The following AP3D1 variants were observed in gnomAD, a reference collection of about 807,000 sequenced individuals.
The protein encoded by AP3D1 is adaptor related protein complex 3 subunit delta 1, also known as AP-3 complex subunit delta-1.
In AP3D1, 51 loss-of-function variants were observed where a neutral mutation model predicts 147.6. The ratio of observed to expected loss-of-function variants is 0.35; its 90% confidence interval spans 0.28 to 0.44. The LOEUF is 0.44. Ranked by LOEUF, AP3D1 falls within the 20% of genes least tolerant of loss-of-function variation. The probability of loss-of-function intolerance (pLI) is 1.00; values close to 1 mark genes in which losing one functional copy is unlikely to be tolerated. For synonymous variants in AP3D1, 760 were observed against 663.0 expected (o/e 1.15, Z -2.25); for missense variants, 1,421 against 1,624.2 (o/e 0.87, Z 2.15).
upstream of AP3D1, among the ~76,000 whole-genome samples, chr19:2,153,385 G>T (rs1036811417): frequency 1.4e-4 from 13 of 95,140 alleles, no homozygotes; most frequent in Middle Eastern, 5.4e-3. Context: ...AAAAAGAAGT[G>T]GGGGGGGGGA....
chr19:2,127,321 A>G, intron 8 of AP3D1, 120 bp from the exon 9 acceptor site: 1 of 1,080,394 alleles, frequency 9.3e-7, no homozygotes. Flanking sequence ...AGTGTGCCCC[A>G]GGAGGGAGCC....
At chr19:2,142,420 G>A (rs2144536822) in intron 1 of AP3D1, among the ~76,000 whole-genome samples, 1 of 152,250 alleles carries the variant, frequency 6.6e-6, no homozygotes, top group East Asian at 1.9e-4. Context: ...ACAGTGCTGG[G>A]ATTAAAGGTG....
At position 2,123,865 on chromosome 19, in the gene AP3D1, A is replaced by T. The variant is rs759227563; in HGVS notation, c.871T>A (p.Ser291Thr). Residue 291 changes from serine (S) to threonine (T), a missense_variant, in exon 10 of 32, where the codon TCC (serine) becomes ACC (threonine). Around this residue, in one of 6 missense-constraint regions of AP3D1, gnomAD observed 292 missense variants for 412.0 expected, o/e 0.71. Transcript: ENST00000643116. Reference sequence around the variant, plus strand: ...GCGCTGTGGTTGGGCATGCCGGAGGACAGCGAGATGAGCACTGCAACAGAC... The same window carrying T: ...GCGCTGTGGTTGGGCATGCCGGAGGTCAGCGAGATGAGCACTGCAACAGAC... ...NTVIAVLISL[S>T]SGMPNHSASI... 6.3e-7 allele frequency: 1 copy of T among 1,578,156 alleles called. No homozygotes were observed.
intron 22 of AP3D1, among the ~76,000 whole-genome samples, chr19:2,113,678 C>T (rs1369659313): frequency 2.6e-5 from 4 of 152,220 alleles, no homozygotes; most frequent in Admixed American, 1.3e-4. Context: ...AGGCCCGTGG[C>T]GGCCCATATG....
chr19:2,124,193 A>G (rs1056484079), intron 9 of AP3D1, among the ~76,000 whole-genome samples: 1 of 152,226 alleles, frequency 6.6e-6, no homozygotes, highest in Non-Finnish European at 1.5e-5. Flanking sequence ...GGCAGGGGCC[A>G]GGCCCCGAGG....
chr19:2,157,033 C>T lies in AP3D1; in HGVS notation c.-103+7323G>A, dbSNP rs140356616. Reference sequence around the variant, plus strand: ...AAAAAACAAACATACACCCATCTATCATTCATCCATCCACCCATCTGTCAT... The same window carrying T: ...AAAAAACAAACATACACCCATCTATTATTCATCCATCCACCCATCTGTCAT... On this transcript the variant is annotated intron_variant, in intron 1 of 14. Coordinates refer to the AP3D1 transcript ENST00000643010. 3.1e-3 allele frequency among the ~76,000 whole-genome samples: 471 copies of T among 151,292 alleles called. 4 individuals carry two copies. The highest frequency in any genetic ancestry group is 0.011 in the African/African-American group (444 of 41,228).
rs565876786 is a variant in AP3D1 at position 2,123,821 on chromosome 19, G to A, written c.906+9C>T. 152 of 1,568,268 alleles carry A rather than the reference G, an allele frequency of 9.7e-5. No individual in the cohort carries two copies. In the East Asian group the frequency reaches 1.3e-3, roughly 14 times the overall value. ...GGACCCCATGGGCCCCGCCCAGTGC[G>A]GGACGTACCTGGATGCTGGCGCTGT... On this transcript the variant is annotated intron_variant, in intron 10 of 31. Coordinates refer to ENST00000643116, the MANE Select transcript of AP3D1 (RefSeq NM_001261826.3).
Position 2,103,144 on chromosome 19 carries a change from C to CA in AP3D1, c.3553-877dup, listed in dbSNP as rs199712275. 7.6e-3 allele frequency among the ~76,000 whole-genome samples: 1,156 copies of CA among 152,050 alleles called. 5 individuals are homozygous for CA. Among genetic ancestry groups the CA allele is most frequent in the African/African-American group, 0.013 (544 of 41,468 alleles). The stretch of plus-strand genomic sequence containing the variant: ...TACCTCAAAAAAATTAAAAAACAAA[C>CA]AAAAAAACACTATGTGCAAATATTG... On this transcript the variant is annotated intron_variant, in intron 31 of 31. Coordinates refer to ENST00000643116, the MANE Select transcript of AP3D1 (RefSeq NM_001261826.3).
intron 5 of AP3D1, 90 bp downstream of exon 5, chr19:2,132,381 C>T: frequency 8.1e-7 from 1 of 1,233,958 alleles, no homozygotes; most frequent in Non-Finnish European, 1.2e-6. Flanking sequence ...CGGCCGGTTT[C>T]CGCATAGCCA....
chr19:2,126,863 G>C (rs934580859), intron 9 of AP3D1, among the ~76,000 whole-genome samples: 3 of 152,100 alleles, frequency 2.0e-5, no homozygotes, highest in Admixed American at 6.5e-5. Flanking sequence ...ATCTGCAGGT[G>C]AATCTTTCAT....
chr19:2,103,265 C>T (rs1326175505), intron 31 of AP3D1, among the ~76,000 whole-genome samples: 1 of 152,006 alleles, frequency 6.6e-6, no homozygotes, highest in African/African-American at 2.4e-5. Context: ...CGGCCCAAGG[C>T]ACCTGGGTCT....
At chr19:2,156,299 C>T (rs529395102), upstream of AP3D1, among the ~76,000 whole-genome samples, 3 of 152,168 alleles carry the variant, frequency 2.0e-5, no homozygotes, top group African/African-American at 7.2e-5. Flanking sequence ...TACCTTGTCC[C>T]CAAATTATCC....
At chr19:2,103,926 C>T (rs1238731312) in intron 31 of AP3D1, among the ~76,000 whole-genome samples, 1 of 151,908 alleles carries the variant, frequency 6.6e-6, no homozygotes, top group Non-Finnish European at 1.5e-5. Context: ...TCACATCACC[C>T]AGATGCCAAC....
intron 14 of AP3D1, among the ~76,000 whole-genome samples, chr19:2,120,387 T>G (rs929028430): frequency 6.6e-6 from 1 of 152,020 alleles, no homozygotes; most frequent in Non-Finnish European, 1.5e-5. Context: ...GAGACCCCTG[T>G]GCCTCCAGAG....
At chr19:2,117,150 C>A in intron 16 of AP3D1, 72 bp downstream of exon 16, 11 of 1,504,214 alleles carry the variant, frequency 7.3e-6, no homozygotes, top group Non-Finnish European at 9.8e-6. Flanking sequence ...GCAGGAGCCC[C>A]CGCTGTGCCA....
At chr19:2,110,936 G>A (rs771195476) in intron 26 of AP3D1, 40 bp from the exon 27 acceptor site, 25 of 1,594,760 alleles carry the variant, frequency 1.6e-5, no homozygotes, top group Non-Finnish European at 1.9e-5. Flanking sequence ...AGGCGGGCCC[G>A]CCACAGGGAA....
chr19:2,110,410 C>T (rs2018238328), intron 27 of AP3D1, among the ~76,000 whole-genome samples, 186 bp from the exon 28 acceptor site: 1 of 152,126 alleles, frequency 6.6e-6, no homozygotes, highest in African/African-American at 2.4e-5. Context: ...TTGGCCTGGA[C>T]TTGGTCCCAT....
At position 2,118,809 on chromosome 19, in the gene AP3D1, G is replaced by T. The variant is rs1018072719; in HGVS notation, c.1505C>A (p.Thr502Asn). 6.2e-7 allele frequency: 1 copy of T among 1,613,544 alleles called. No individual in the cohort carries two copies. The highest frequency in any genetic ancestry group is 1.3e-5 in the African/African-American group (1 of 74,956). ...FSEHLQEPHH[T>N]LEAMLRPRVT... Reference sequence around the variant, plus strand: ...TCTGGGCCGCAGCATGGCCTCCAAAGTGTGGTGTGGTTCCTGCAGATGCCT... The same window carrying T: ...TCTGGGCCGCAGCATGGCCTCCAAATTGTGGTGTGGTTCCTGCAGATGCCT... Residue 502 changes from threonine (T) to asparagine (N), a missense_variant, in exon 15 of 32, where the codon ACT becomes AAT. Transcript: ENST00000643116.
intron 14 of AP3D1, 40 bp downstream of exon 14, chr19:2,120,822 T>C (rs767447741): frequency 6.3e-7 from 1 of 1,580,702 alleles, no homozygotes; most frequent in East Asian, 2.2e-5. Context: ...CCTCAGAAGC[T>C]TGGAGAAGCT....
Sources: allele counts gnomAD v4.1 joint callset (sites outside exome capture counted in the v4.1 genomes callset), GRCh38; gene constraint gnomAD v4.1.1; regional missense constraint gnomAD v4.1.1; transcripts MANE v1.5; gene names NCBI Gene and HGNC (gene_info 2026-07-23, HGNC 2026-07-21).